Variants in ATF7IP observed in about 807,000 individuals in gnomAD.
ATF7IP encodes the protein activating transcription factor 7-interacting protein 1.
A neutral mutation model predicts 106.4 loss-of-function variants in ATF7IP; 23 were observed. The ratio of observed to expected loss-of-function variants is 0.22; its 90% CI spans 0.16 to 0.31. ATF7IP has a LOEUF of 0.31. Ranked by LOEUF, ATF7IP falls within the 10% of genes least tolerant of loss-of-function variation. The pLI is 1.00. For synonymous variants in ATF7IP, 542 were observed against 539.0 expected, an observed-to-expected ratio of 1.01 and a Z score of -0.08; for missense variants, 1,334 against 1,524.3, an observed-to-expected ratio of 0.88 and a Z score of 2.08.
intron 5 of ATF7IP, among the ~76,000 whole-genome samples, chr12:14,445,642 G>A (rs1309937839): frequency 6.6e-6 from 1 of 152,198 alleles, no homozygotes; most frequent in South Asian, 2.1e-4. Context: ...ACCTTTGAGA[G>A]TCATAGGTAA....
intron 1 of ATF7IP, among the ~76,000 whole-genome samples, chr12:14,373,894 C>T (rs1037291234): frequency 1.3e-5 from 2 of 151,774 alleles, no homozygotes; most frequent in Non-Finnish European, 2.9e-5. Context: ...ATTAGTTTTG[C>T]AAGAATTAGA....
At position 14,445,147 on chromosome 12, in the gene ATF7IP, C is replaced by T. The variant is rs528789404; in HGVS notation, c.1930-1841C>T. On this transcript the variant is annotated intron_variant, in intron 5 of 14. Transcript: ENST00000261168. ...CTGGGACTACAGGCGCGCGCCACCACGCCTGGCTAATTTTTGTATTTTTAG... is the reference window on the plus strand; with the variant it reads ...CTGGGACTACAGGCGCGCGCCACCATGCCTGGCTAATTTTTGTATTTTTAG... Among the ~76,000 whole-genome samples, 10 of 151,916 alleles carry T rather than the reference C, an allele frequency of 6.6e-5. No homozygotes were observed. In the East Asian group the frequency reaches 1.4e-3, roughly 21 times the overall value.
chr12:14,368,723 TG>T (rs1439662920), intron 1 of ATF7IP, among the ~76,000 whole-genome samples: 4 of 152,284 alleles, frequency 2.6e-5, no homozygotes, highest in African/African-American at 9.6e-5. Context: ...AATTTGTTAT[TG>T]TTTTATATAT....
intron 8 of ATF7IP, 37 bp from the exon 9 acceptor site, chr12:14,460,458 A>T: frequency 6.6e-7 from 1 of 1,517,928 alleles, no homozygotes. Context: ...AAATTAATAT[A>T]ACCATTTAAA....
At position 14,424,724 on chromosome 12, in the gene ATF7IP, C is replaced by T. The variant is rs1183211411; in HGVS notation, c.809C>T (p.Ala270Val). Residue 270 changes from alanine to valine, a missense_variant, in exon 2 of 15, where the codon GCC becomes GTC. Ala to Val is a moderately conservative substitution (Grantham distance 64). Around this residue, in one of 10 missense-constraint regions of ATF7IP, gnomAD observed 438 missense variants for 405.3 expected, o/e 1.08. Transcript: ENST00000261168. ...AGTGAACTGGCCTCTGATGATCTGGCCACTGGTGAACTGGCCTCTGATGAG... is the reference window on the plus strand; with the variant it reads ...AGTGAACTGGCCTCTGATGATCTGGTCACTGGTGAACTGGCCTCTGATGAG... Reference protein sequence around the residue: ...SSSELASDDLATGELASDELT... With the variant: ...SSSELASDDLVTGELASDELT... The T allele has an allele frequency of 1.9e-6, 3 of 1,613,986 alleles. No individual in the cohort carries two copies. Among genetic ancestry groups the T allele is most frequent in the Non-Finnish European group, 2.5e-6 (3 of 1,180,008 alleles).
intron 10 of ATF7IP, among the ~76,000 whole-genome samples, chr12:14,475,335 G>T (rs985425297): frequency 1.3e-5 from 2 of 152,130 alleles, no homozygotes; most frequent in African/African-American, 2.4e-5. Flanking sequence ...CTTTTTGGTT[G>T]CTGTCATGTG....
intron 1 of ATF7IP, among the ~76,000 whole-genome samples, chr12:14,408,141 C>CAA (rs1555113736): frequency 2.0e-3 from 299 of 151,412 alleles, no homozygotes; most frequent in African/African-American, 6.2e-3. Context: ...CACACACACA[C>CAA]AAATATATAT....
At chr12:14,470,927 T>A (rs1315023661) in intron 10 of ATF7IP, among the ~76,000 whole-genome samples, 1 of 152,208 alleles carries the variant, frequency 6.6e-6, no homozygotes, top group African/African-American at 2.4e-5. Context: ...TTGATCTATA[T>A]AAGCATTTAA....
intron 13 of ATF7IP, among the ~76,000 whole-genome samples, chr12:14,488,284 A>G (rs1944693456): frequency 6.6e-6 from 1 of 152,138 alleles, no homozygotes; most frequent in Non-Finnish European, 1.5e-5. Context: ...TTTATGAAAT[A>G]TTAACACGAT....
intron 1 of ATF7IP, among the ~76,000 whole-genome samples, chr12:14,386,611 G>A (rs1278152605): frequency 2.0e-5 from 3 of 152,046 alleles, no homozygotes; most frequent in African/African-American, 7.2e-5. Flanking sequence ...CAAGGCTTAA[G>A]AAACAAAAGG....
chr12:14,366,921 GCTC>G (rs1565464648), intron 1 of ATF7IP, among the ~76,000 whole-genome samples: 2 of 152,038 alleles, frequency 1.3e-5, no homozygotes, highest in East Asian at 1.9e-4. Flanking sequence ...TTGTAAGTGT[GCTC>G]CTGGTTTTAT....
At chr12:14,460,205 A>G (rs1943584805) in intron 8 of ATF7IP, among the ~76,000 whole-genome samples, 1 of 152,216 alleles carries the variant, frequency 6.6e-6, no homozygotes, top group Non-Finnish European at 1.5e-5. Context: ...TAGGTACTCT[A>G]AAGTGATTAT....
At chr12:14,417,112 T>C (rs779359679) in intron 1 of ATF7IP, among the ~76,000 whole-genome samples, 6 of 152,314 alleles carry the variant, frequency 3.9e-5, no homozygotes, top group Non-Finnish European at 5.9e-5. Flanking sequence ...TAAAGAACTA[T>C]AGAATGGTGT....
Position 14,500,131 on chromosome 12 carries a change from C to T in ATF7IP, c.*2058C>T, listed in dbSNP as rs999088212. ...TACAATATTTGAATTCATATTTGTACCTTCTCAAAATAGTGATTCATTTTT... is the reference window on the plus strand; with the variant it reads ...TACAATATTTGAATTCATATTTGTATCTTCTCAAAATAGTGATTCATTTTT... On this transcript the variant is annotated 3_prime_UTR_variant, in exon 15 of 15. Coordinates refer to ENST00000261168, the MANE Select transcript of ATF7IP (RefSeq NM_018179.5). The T allele has an allele frequency of 2.0e-4, 30 of 152,148 alleles. No individual in the cohort carries two copies. Among genetic ancestry groups the T allele is most frequent in the Non-Finnish European group, 1.0e-4 (7 of 68,020 alleles). The allele number at this position is 152,148 out of a possible 1,614,324, so 9.4% of individuals were successfully genotyped here. A position where few individuals can be genotyped will look rare whatever the true frequency, so the allele number is the denominator to read the frequency against.
rs778657962 is a variant in ATF7IP, at chr12:14,461,006, C to T, written c.2670C>T (p.Pro890=). Residue 890 remains proline, a synonymous_variant, in exon 9 of 15, where the codon CCC becomes CCT. Coordinates refer to ENST00000261168, the MANE Select transcript of ATF7IP (RefSeq NM_018179.5). The stretch of plus-strand genomic sequence containing the variant: ...TACAAGCCACAAGGACTTCTTTACC[C>T]ACAGTGGGCCCATCAGGACTCTATA... ...SIVQATRTSL[P]TVGPSGLYSP... 4 of 1,614,108 alleles carry T rather than the reference C, an allele frequency of 2.5e-6. No homozygotes were observed. The East Asian group carries it at 6.7e-5, about 27-fold the overall frequency.
chr12:14,445,665 G>A (rs1259986526), intron 5 of ATF7IP, among the ~76,000 whole-genome samples: 12 of 152,102 alleles, frequency 7.9e-5, no homozygotes, highest in African/African-American at 1.4e-4. Flanking sequence ...GATTGCCTAG[G>A]CCATAATATT....
chr12:14,398,874 A>G (rs1940020150), intron 1 of ATF7IP, among the ~76,000 whole-genome samples: 1 of 151,678 alleles, frequency 6.6e-6, no homozygotes, highest in African/African-American at 2.4e-5. Context: ...CTTCTGTTTC[A>G]ACCTTTCTAT....
At chr12:14,455,910 G>A (rs1943407637) in intron 6 of ATF7IP, among the ~76,000 whole-genome samples, 1 of 152,022 alleles carries the variant, frequency 6.6e-6, no homozygotes, top group East Asian at 1.9e-4. Context: ...GATAAATGAT[G>A]ATAGTGTTAT....
intron 8 of ATF7IP, among the ~76,000 whole-genome samples, chr12:14,458,097 A>C (rs1943500658): frequency 7.0e-6 from 1 of 143,000 alleles, no homozygotes; most frequent in Admixed American, 7.1e-5. Flanking sequence ...CTTCCTCTCA[A>C]AAAAAAAAAT....
Sources: gnomAD v4.1 joint callset for allele counts (sites outside exome capture counted in the v4.1 genomes callset) on GRCh38, gnomAD v4.1.1 for gene constraint, gnomAD v4.1.1 regional missense constraint, MANE v1.5 for transcripts, NCBI Gene and HGNC (gene_info 2026-07-23, HGNC 2026-07-21) for gene names.